Variants in DMD observed in about 807,000 individuals in gnomAD.
DMD encodes the protein dystrophin, also known as mutant dystrophin.
DMD carries 63 observed loss-of-function variants against 330.1 expected under a neutral mutation model. The ratio of observed to expected loss-of-function variants is 0.19; its 90% CI spans 0.16 to 0.24. The LOEUF (loss-of-function observed/expected upper bound fraction) is 0.24, where lower values mean the gene tolerates loss of function less well. Among genes scored for constraint, DMD ranks in the 10% least tolerant of loss-of-function variants. The pLI is 1.00. For synonymous variants in DMD, 1,223 were observed against 959.8 expected (o/e 1.27, Z -5.07); for missense variants, 3,344 against 2,684.1 (o/e 1.25, Z -5.43).
chrX:32,090,868 GCTGT>G (rs1260902728), intron 44 of DMD, among the ~76,000 whole-genome samples: 1 of 111,235 alleles, frequency 9.0e-6, no homozygotes, highest in Non-Finnish European at 1.9e-5. Flanking sequence ...CCTATGAGGT[GCTGT>G]CTGAGAGGCC....
At chrX:31,932,689 T>C (rs2094872850) in intron 45 of DMD, among the ~76,000 whole-genome samples, 1 of 111,931 alleles carries the variant, frequency 8.9e-6, no homozygotes, top group Admixed American at 9.5e-5. Context: ...GAGGCTGCAG[T>C]AAGCCGAGAT....
chrX:32,307,178 G>A (rs774495200), intron 42 of DMD, among the ~76,000 whole-genome samples: 4 of 111,384 alleles, frequency 3.6e-5, no homozygotes, highest in African/African-American at 6.5e-5. Context: ...AATGATCCAA[G>A]GAGGTGCTAG....
At chrX:31,948,420 T>A (rs1377931754) in intron 45 of DMD, among the ~76,000 whole-genome samples, 1 of 111,452 alleles carries the variant, frequency 9.0e-6, no homozygotes, top group East Asian at 2.8e-4. Flanking sequence ...GTAGTTCTAT[T>A]TTTAACTTTT....
chrX:32,432,819 G>A (rs1269819144), intron 29 of DMD, among the ~76,000 whole-genome samples: 1 of 112,115 alleles, frequency 8.9e-6, no homozygotes, highest in East Asian at 2.8e-4. Flanking sequence ...GTCTATCTAT[G>A]CTAAGGTAGA....
At chrX:32,272,292 C>T (rs1317333542) in intron 43 of DMD, among the ~76,000 whole-genome samples, 2 of 112,102 alleles carry the variant, frequency 1.8e-5, no homozygotes, top group African/African-American at 3.2e-5. Flanking sequence ...TAGGAATTTG[C>T]TAAGGAGCAA....
Position 32,365,169 on chromosome X carries a change from C to G in DMD, c.4876G>C (p.Val1626Leu). ...ATQKEIEKQKVHLKSITEVGE... is the reference protein window; with the variant it reads ...ATQKEIEKQKLHLKSITEVGE... ...ACCTCTGTGATACTCTTCAGGTGCA[C>G]CTTCTGTTTCTCAATCTCTTTTTGA... Residue 1626 changes from valine to leucine, a missense_variant, in exon 35 of 79, where the codon GTG (valine) becomes CTG (leucine). Transcript: ENST00000357033. 8.3e-7 allele frequency: 1 copy of G among 1,210,814 alleles called. No individual in the cohort carries two copies. The highest frequency in any genetic ancestry group is 1.1e-6 in the Non-Finnish European group (1 of 895,125).
intron 34 of DMD, among the ~76,000 whole-genome samples, chrX:32,376,223 C>T (rs910674255): frequency 1.8e-5 from 2 of 111,427 alleles, no homozygotes; most frequent in East Asian, 5.6e-4. Flanking sequence ...TGCAGTGAGC[C>T]GAGATCGGGC....
At chrX:31,969,399 G>A (rs914777656) in intron 44 of DMD, among the ~76,000 whole-genome samples, 1 of 111,440 alleles carries the variant, frequency 9.0e-6, no homozygotes, top group East Asian at 2.8e-4. Flanking sequence ...AACTAAATAC[G>A]AACCTTAGAA....
At chrX:31,139,996 T>C (rs2035842312) in intron 76 of DMD, among the ~76,000 whole-genome samples, 1 of 112,807 alleles carries the variant, frequency 8.9e-6, no homozygotes, top group Non-Finnish European at 1.9e-5. Context: ...AGTACCGTGA[T>C]ATAGCAAAAT....
At chrX:32,776,376 G>A (rs1174740273) in intron 7 of DMD, among the ~76,000 whole-genome samples, 3 of 110,171 alleles carry the variant, frequency 2.7e-5, no homozygotes, top group East Asian at 5.7e-4. Context: ...CACTATCTGG[G>A]CACCAATTTT....
At chrX:31,993,667 T>C (rs1297693583) in intron 44 of DMD, among the ~76,000 whole-genome samples, 2 of 111,650 alleles carry the variant, frequency 1.8e-5, no homozygotes, top group Non-Finnish European at 3.8e-5. Flanking sequence ...GCAGCCACGG[T>C]TTCTGGTTTT....
At chrX:32,851,907 G>A (rs2149029465) in intron 2 of DMD, among the ~76,000 whole-genome samples, 1 of 111,964 alleles carries the variant, frequency 8.9e-6, no homozygotes, top group South Asian at 3.8e-4. Context: ...TAGAAGCTGA[G>A]TTCCAGCTAG....
At chrX:32,340,023 T>A (rs1306705092) in intron 41 of DMD, among the ~76,000 whole-genome samples, 1 of 111,990 alleles carries the variant, frequency 8.9e-6, no homozygotes, top group African/African-American at 3.2e-5. Flanking sequence ...TTGGGAAAGA[T>A]AACTCTAATC....
chrX:32,798,442 G>A (rs1006802327), intron 7 of DMD, among the ~76,000 whole-genome samples: 3 of 111,892 alleles, frequency 2.7e-5, no homozygotes, highest in African/African-American at 6.5e-5. Context: ...TAACATTTAC[G>A]TCTTAATTTT....
At chrX:32,485,892 C>A (rs781615431) in intron 20 of DMD, among the ~76,000 whole-genome samples, 1 of 107,514 alleles carries the variant, frequency 9.3e-6, no homozygotes, top group East Asian at 2.9e-4. Flanking sequence ...TACAGGTGCC[C>A]GCTACCGTGT....
chrX:31,841,108 A>G (rs2093310988), intron 48 of DMD, among the ~76,000 whole-genome samples: 1 of 111,923 alleles, frequency 8.9e-6, no homozygotes, highest in African/African-American at 3.2e-5. Context: ...AAGAAAATTA[A>G]AAGTGCCAGT....
At chrX:32,352,466 T>G (rs1220407946) in intron 37 of DMD, among the ~76,000 whole-genome samples, 1 of 110,861 alleles carries the variant, frequency 9.0e-6, no homozygotes, top group Non-Finnish European at 1.9e-5. Flanking sequence ...AATATGAATA[T>G]TTTACATTTT....
intron 21 of DMD, among the ~76,000 whole-genome samples, chrX:32,480,210 C>A (rs2041703170): frequency 9.0e-6 from 1 of 111,729 alleles, no homozygotes; most frequent in Non-Finnish European, 1.9e-5. Context: ...AATGATGTGT[C>A]ACCTTACACA....
intron 62 of DMD, among the ~76,000 whole-genome samples, chrX:31,278,087 A>C (rs1360970711): frequency 9.0e-6 from 1 of 110,915 alleles, no homozygotes; most frequent in Non-Finnish European, 1.9e-5. Flanking sequence ...CTTTTCTTTC[A>C]ATCATACAAG....
Sources: gnomAD v4.1 joint callset for allele counts (sites outside exome capture counted in the v4.1 genomes callset) on GRCh38, gnomAD v4.1.1 for gene constraint, MANE v1.5 for transcripts, NCBI Gene and HGNC (gene_info 2026-07-23, HGNC 2026-07-21) for gene names.